Variants in MCTP1 observed in about 807,000 individuals in gnomAD.
The protein encoded by MCTP1 is multiple C2 and transmembrane domain containing 1.
In MCTP1, 69 loss-of-function variants were observed where a neutral mutation model predicts 120.6. That is an observed-to-expected ratio of 0.57 (90% CI 0.47 to 0.70). The LOEUF is 0.70. Ranked by LOEUF, MCTP1 falls within the 30% of genes least tolerant of loss-of-function variation. The pLI, the probability that MCTP1 is intolerant of heterozygous loss-of-function variation, is 0.00. For missense variants in MCTP1, 1,203 were observed against 1,248.8 expected (o/e 0.96, Z 0.55); for synonymous variants, 529 against 493.1 (o/e 1.07, Z -0.96).
chr5:94,948,671 T>C (rs1219078286), intron 3 of MCTP1, among the ~76,000 whole-genome samples: 2 of 152,122 alleles, frequency 1.3e-5, no homozygotes, highest in Non-Finnish European at 2.9e-5. Flanking sequence ...GCTCCCTACT[T>C]GTGCCCCAGA....
chr5:94,993,481 A>C (rs970122047), intron 2 of MCTP1, among the ~76,000 whole-genome samples: 1 of 152,180 alleles, frequency 6.6e-6, no homozygotes, highest in African/African-American at 2.4e-5. Flanking sequence ...TTACATTTCA[A>C]AGGGTTGCAA....
chr5:95,042,584 T>C (rs2151912921), intron 1 of MCTP1, among the ~76,000 whole-genome samples: 1 of 152,358 alleles, frequency 6.6e-6, no homozygotes. Context: ...AATACATGCA[T>C]TGGCTGCATA....
At chr5:95,209,901 C>A (rs529493982) in intron 1 of MCTP1, among the ~76,000 whole-genome samples, 1 of 152,300 alleles carries the variant, frequency 6.6e-6, no homozygotes, top group East Asian at 1.9e-4. Context: ...CAAAGAACAA[C>A]TTTATTTCTG....
chr5:95,069,630 C>G (rs889743416), intron 1 of MCTP1, among the ~76,000 whole-genome samples: 1 of 152,044 alleles, frequency 6.6e-6, no homozygotes, highest in Non-Finnish European at 1.5e-5. Context: ...TCTTTGAGCT[C>G]CTTGTCCTTA....
chr5:94,862,956 GCAAC>G (rs1796100912), intron 17 of MCTP1, among the ~76,000 whole-genome samples: 1 of 151,738 alleles, frequency 6.6e-6, no homozygotes, highest in Non-Finnish European at 1.5e-5. Flanking sequence ...GGAAGTTAGG[GCAAC>G]CTTAAAAATA....
intron 2 of MCTP1, among the ~76,000 whole-genome samples, chr5:94,979,799 A>G (rs2153593261): frequency 6.6e-6 from 1 of 152,240 alleles, no homozygotes; most frequent in East Asian, 1.9e-4. Context: ...ACACATATTA[A>G]ACCATAATAA....
At chr5:95,217,964 T>C (rs1380760899) in intron 1 of MCTP1, among the ~76,000 whole-genome samples, 1 of 152,178 alleles carries the variant, frequency 6.6e-6, no homozygotes, top group Non-Finnish European at 1.5e-5. Context: ...TCTCTGATCA[T>C]GCAGGAATTT....
intron 19 of MCTP1, among the ~76,000 whole-genome samples, chr5:94,721,056 A>T (rs909819253): frequency 1.3e-5 from 2 of 152,198 alleles, no homozygotes; most frequent in Non-Finnish European, 2.9e-5. Context: ...TATTCAATCC[A>T]GGAAGGTTTC....
intron 17 of MCTP1, among the ~76,000 whole-genome samples, chr5:94,835,939 G>C (rs559334830): frequency 6.6e-6 from 1 of 152,278 alleles, no homozygotes; most frequent in East Asian, 1.9e-4. Context: ...GGGAGGCAGA[G>C]ATTGCAGTGA....
chr5:94,870,931 G>A lies in MCTP1; in HGVS notation c.2182C>T (p.Gln728Ter), dbSNP rs1797734600. ...EQKAYVLKNKQLTGPTKGVIY... is the reference protein window; with the variant it reads ...EQKAYVLKNK ...ACCCCCTTTGTTGGCCCTGTCAGCT[G>A]CTTGTTTTTCAAGACGTAGGCTTTC... Residue 728 changes from glutamine to a stop codon, truncating the protein, a stop_gained, in exon 15 of 23, where the codon CAG becomes TAG. Coordinates refer to ENST00000515393, the MANE Select transcript of MCTP1 (RefSeq NM_024717.7). LOFTEE classifies it high-confidence loss of function. 6.2e-7 allele frequency: 1 copy of A among 1,613,050 alleles called. No individual in the cohort carries two copies. The highest frequency in any genetic ancestry group is 1.3e-5 in the African/African-American group (1 of 74,786).
intron 1 of MCTP1, among the ~76,000 whole-genome samples, chr5:95,090,939 G>A (rs1638564006): frequency 6.6e-6 from 1 of 152,122 alleles, no homozygotes; most frequent in South Asian, 2.1e-4. Context: ...TGGTGCAAAA[G>A]TGATGGCAAA....
At chr5:95,080,248 G>C (rs1418173859) in intron 1 of MCTP1, among the ~76,000 whole-genome samples, 1 of 152,104 alleles carries the variant, frequency 6.6e-6, no homozygotes, top group African/African-American at 2.4e-5. Flanking sequence ...CTGTGGCAAT[G>C]GCTAAGAAAT....
chr5:95,278,135 G>A (rs1457630694), intron 1 of MCTP1, among the ~76,000 whole-genome samples: 2 of 151,756 alleles, frequency 1.3e-5, no homozygotes, highest in Non-Finnish European at 2.9e-5. Flanking sequence ...ACATATTAGA[G>A]GGGAAAATGT....
In MCTP1 at chr5:95,283,240, A is replaced by G. The variant is rs541377777; in HGVS notation, c.720+616T>C. On this transcript the variant is annotated intron_variant, in intron 1 of 22. Transcript: ENST00000515393. ...AAAGCAAGTGCTTCAGGTGACTATT[A>G]AAACTTCACAAGGCTCATAGGAACA... Among the ~76,000 whole-genome samples, 6 of 152,340 alleles carry G rather than the reference A, an allele frequency of 3.9e-5. No individual in the cohort carries two copies. The East Asian group carries it at 1.2e-3, about 29-fold the overall frequency.
At chr5:94,750,203 C>T (rs976610570) in intron 19 of MCTP1, among the ~76,000 whole-genome samples, 2 of 152,218 alleles carry the variant, frequency 1.3e-5, no homozygotes, top group Non-Finnish European at 2.9e-5. Flanking sequence ...GGGAGCTACC[C>T]GCCACAAGAA....
intron 17 of MCTP1, among the ~76,000 whole-genome samples, chr5:94,847,088 C>T (rs753411721): frequency 1.3e-5 from 2 of 152,126 alleles, no homozygotes; most frequent in African/African-American, 4.8e-5. Flanking sequence ...ATGTGTTAGA[C>T]CTCTGACATT....
chr5:95,192,887 T>C (rs932515877), intron 1 of MCTP1, among the ~76,000 whole-genome samples: 2 of 152,090 alleles, frequency 1.3e-5, no homozygotes, highest in African/African-American at 4.8e-5. Context: ...CTTGAGGGAA[T>C]AGATTGCTAC....
intron 1 of MCTP1, among the ~76,000 whole-genome samples, chr5:95,110,901 C>G (rs1562151368): frequency 6.6e-6 from 1 of 152,132 alleles, no homozygotes; most frequent in Non-Finnish European, 1.5e-5. Context: ...CTCTGTAAGT[C>G]TATTAAATTC....
At chr5:95,215,872 CTT>C (rs953106621) in intron 1 of MCTP1, among the ~76,000 whole-genome samples, 12 of 152,012 alleles carry the variant, frequency 7.9e-5, no homozygotes, top group Non-Finnish European at 1.3e-4. Context: ...AACACAGACA[CTT>C]TGACTAACAT....
Sources: allele counts gnomAD v4.1 joint callset (sites outside exome capture counted in the v4.1 genomes callset), GRCh38; gene constraint gnomAD v4.1.1; transcripts MANE v1.5; gene names NCBI Gene and HGNC (gene_info 2026-07-23, HGNC 2026-07-21).